SEMA6D: variants seen among roughly 807,000 people sequenced by gnomAD.
SEMA6D encodes the protein semaphorin 6D.
A neutral mutation model predicts 106.6 loss-of-function variants in SEMA6D; 35 were observed. That is an observed-to-expected ratio of 0.33 (90% CI 0.25 to 0.44). The LOEUF is 0.44. Among genes scored for constraint, SEMA6D ranks in the 20% least tolerant of loss-of-function variants. The pLI is 1.00. For synonymous variants in SEMA6D, 499 were observed against 487.7 expected, an observed-to-expected ratio of 1.02 and a Z score of -0.31; for missense variants, 1,185 against 1,345.9, an observed-to-expected ratio of 0.88 and a Z score of 1.87.
At chr15:47,365,925 A>AGAGAG (rs1265615467) in intron 1 of SEMA6D, among the ~76,000 whole-genome samples, 1 of 116,414 alleles carries the variant, frequency 8.6e-6, no homozygotes, top group African/African-American at 3.7e-5. Flanking sequence ...GAGAGAGAGA[A>AGAGAG]AAGAAAGAAA....
intron 1 of SEMA6D, among the ~76,000 whole-genome samples, chr15:47,199,794 A>G (rs1566921430): frequency 1.3e-5 from 2 of 151,788 alleles, no homozygotes; most frequent in East Asian, 3.9e-4. Flanking sequence ...TTTTGTGTAT[A>G]TGTGTGTGTG....
At chr15:47,363,426 C>T (rs949223730) in intron 1 of SEMA6D, among the ~76,000 whole-genome samples, 20 of 152,026 alleles carry the variant, frequency 1.3e-4, no homozygotes, top group Non-Finnish European at 2.5e-4. Flanking sequence ...TGGCTTTTTC[C>T]GAACTTTTGA....
intron 1 of SEMA6D, among the ~76,000 whole-genome samples, chr15:47,406,075 G>T (rs146879177): frequency 2.6e-5 from 4 of 152,168 alleles, no homozygotes; most frequent in African/African-American, 4.8e-5. Context: ...TCTGCACAAG[G>T]CTTCAACTTT....
intron 1 of SEMA6D, among the ~76,000 whole-genome samples, chr15:47,259,346 T>C (rs2033957788): frequency 6.6e-6 from 1 of 152,224 alleles, no homozygotes; most frequent in African/African-American, 2.4e-5. Flanking sequence ...TAAGGATATG[T>C]CTGCTCATGA....
chr15:47,316,607 GTT>G lies in SEMA6D; in HGVS notation c.-238-95773_-238-95772del, dbSNP rs35168989. 3.0e-4 allele frequency among the ~76,000 whole-genome samples: 42 copies of G among 140,600 alleles called. 1 individual carries two copies. Among genetic ancestry groups the G allele is most frequent in the African/African-American group, 1.1e-3 (40 of 37,892 alleles). 92.2% of individuals were successfully genotyped at this position (140,600 alleles called of 152,430 possible). On this transcript the variant is annotated intron_variant, in intron 1 of 19. Transcript: ENST00000558014. The stretch of plus-strand genomic sequence containing the variant: ...TTCTCTATTCCAGGTTTATTGAGAG[GTT>G]TTTTTTTTTTTTATCATAAATGGTT...
At chr15:47,322,828 A>G (rs181077562) in intron 1 of SEMA6D, among the ~76,000 whole-genome samples, 1 of 152,060 alleles carries the variant, frequency 6.6e-6, no homozygotes, top group African/African-American at 2.4e-5. Flanking sequence ...TCGGATGGCA[A>G]TTATTTTTGT....
chr15:47,314,327 G>A (rs1429943102), intron 1 of SEMA6D, among the ~76,000 whole-genome samples: 1 of 151,942 alleles, frequency 6.6e-6, no homozygotes, highest in East Asian at 1.9e-4. Flanking sequence ...GACCGGGCGC[G>A]GTGGCTCACG....
At chr15:47,717,474 G>A, upstream of SEMA6D, 1 of 152,670 alleles carries the variant, frequency 6.6e-6, no homozygotes, top group Non-Finnish European at 1.5e-5. Context: ...TACACCATTT[G>A]CCGTGCATCG....
At chr15:47,221,847 A>G (rs1463348111) in intron 1 of SEMA6D, among the ~76,000 whole-genome samples, 3 of 152,218 alleles carry the variant, frequency 2.0e-5, no homozygotes, top group East Asian at 3.9e-4. Context: ...TTCCTATACT[A>G]GAAATTTGTC....
intron 4 of SEMA6D, among the ~76,000 whole-genome samples, chr15:47,614,106 A>C (rs972786773): frequency 1.3e-4 from 20 of 152,310 alleles, no homozygotes; most frequent in Admixed American, 7.8e-4. Flanking sequence ...AGAGGCCCCA[A>C]AGATCCCATT....
intron 1 of SEMA6D, among the ~76,000 whole-genome samples, chr15:47,371,346 C>T (rs528859929): frequency 1.3e-5 from 2 of 152,172 alleles, no homozygotes; most frequent in Non-Finnish European, 2.9e-5. Flanking sequence ...TGTTGAATAA[C>T]ATAAATGAAC....
At chr15:47,414,063 T>G (rs1239148267) in intron 2 of SEMA6D, among the ~76,000 whole-genome samples, 2 of 152,198 alleles carry the variant, frequency 1.3e-5, no homozygotes, top group African/African-American at 4.8e-5. Flanking sequence ...CAAAATCTAT[T>G]TATGGAACAA....
At chr15:47,385,570 C>T (rs894423410) in intron 1 of SEMA6D, among the ~76,000 whole-genome samples, 6 of 152,166 alleles carry the variant, frequency 3.9e-5, no homozygotes, top group East Asian at 1.9e-4. Context: ...TGTGTTCATA[C>T]GCATCTGAAC....
At position 47,335,875 on chromosome 15, in the gene SEMA6D, TG is replaced by T. The variant is rs1388665179; in HGVS notation, c.-238-76516del. 5.9e-5 allele frequency among the ~76,000 whole-genome samples: 9 copies of T among 152,204 alleles called. No homozygotes were observed. The East Asian group carries it at 1.7e-3, about 29-fold the overall frequency. ...AGACGGAGCTCTTACTACAACACTG[TG>T]GAAGGTCAAGTGGACCGGATGGAGC... On this transcript the variant is annotated intron_variant, in intron 1 of 19. Transcript: ENST00000558014.
chr15:47,402,061 T>C (rs1158166171), intron 1 of SEMA6D, among the ~76,000 whole-genome samples: 2 of 152,206 alleles, frequency 1.3e-5, no homozygotes, highest in East Asian at 3.8e-4. Context: ...CACTGTCCAA[T>C]AGAATGTTCT....
At chr15:47,686,910 G>GA (rs777455701) in intron 4 of SEMA6D, among the ~76,000 whole-genome samples, 12 of 151,548 alleles carry the variant, frequency 7.9e-5, no homozygotes, top group East Asian at 5.8e-4. Flanking sequence ...TATAAAAAAT[G>GA]AAAAAATCAT....
intron 4 of SEMA6D, among the ~76,000 whole-genome samples, chr15:47,654,101 TGAA>T (rs1420836775): frequency 6.6e-6 from 1 of 152,176 alleles, no homozygotes; most frequent in Non-Finnish European, 1.5e-5. Context: ...TCACCTAAAA[TGAA>T]GAAGAAAGAA....
chr15:47,681,092 C>A (rs1328288056), intron 4 of SEMA6D, among the ~76,000 whole-genome samples: 1 of 152,156 alleles, frequency 6.6e-6, no homozygotes, highest in Non-Finnish European at 1.5e-5. Context: ...GGTATTTATG[C>A]AAAGGAATTG....
At chr15:47,682,810 C>T (rs186626010) in intron 4 of SEMA6D, among the ~76,000 whole-genome samples, 296 of 152,258 alleles carry the variant, frequency 1.9e-3, no homozygotes, top group African/African-American at 6.9e-3. Context: ...GCCCGCAGTA[C>T]GTAAAACCCT....
Sources: allele counts gnomAD v4.1 joint callset (sites outside exome capture counted in the v4.1 genomes callset), GRCh38; gene constraint gnomAD v4.1.1; transcripts MANE v1.5; gene names NCBI Gene and HGNC (gene_info 2026-07-23, HGNC 2026-07-21).